Variants in CNBD1 observed in about 807,000 individuals in gnomAD.
The protein encoded by CNBD1 is cyclic nucleotide-binding domain-containing protein 1.
In CNBD1, 71 loss-of-function variants were observed where a neutral mutation model predicts 54.4. The observed-to-expected ratio is 1.30, with a 90% CI of 1.08 to 1.59. The LOEUF (loss-of-function observed/expected upper bound fraction) is 1.59, where lower values mean the gene tolerates loss of function less well. Ranked by LOEUF, CNBD1 falls within the 40% of genes most tolerant of loss-of-function variation. The pLI is 0.00. For synonymous variants in CNBD1, 182 were observed against 170.7 expected (o/e 1.07, Z -0.51); for missense variants, 659 against 518.0 (o/e 1.27, Z -2.64).
intron 2 of CNBD1, among the ~76,000 whole-genome samples, chr8:87,408,533 G>C (rs1807687915): frequency 6.6e-6 from 1 of 151,968 alleles, no homozygotes; most frequent in Non-Finnish European, 1.5e-5. Flanking sequence ...TAAGGACTTT[G>C]GGCTGCTTTT....
At chr8:86,876,822 T>C (rs1295295507) in intron 1 of CNBD1, among the ~76,000 whole-genome samples, 2 of 152,142 alleles carry the variant, frequency 1.3e-5, no homozygotes, top group Middle Eastern at 3.4e-3. Flanking sequence ...ATATGTAAAA[T>C]CTACATCCTT....
At chr8:87,215,218 C>G (rs1016466449) in intron 5 of CNBD1, among the ~76,000 whole-genome samples, 3 of 151,892 alleles carry the variant, frequency 2.0e-5, no homozygotes, top group African/African-American at 7.3e-5. Context: ...GATAAAGAAG[C>G]CAGTCACAAA....
chr8:87,135,075 G>A (rs555298463), intron 4 of CNBD1, among the ~76,000 whole-genome samples: 13 of 151,992 alleles, frequency 8.6e-5, no homozygotes, highest in African/African-American at 2.2e-4. Flanking sequence ...ATTCCAGTAC[G>A]TAAATTTTCC....
chr8:87,107,639 A>G (rs1039390068), intron 4 of CNBD1, among the ~76,000 whole-genome samples: 9 of 152,236 alleles, frequency 5.9e-5, no homozygotes, highest in African/African-American at 1.9e-4. Context: ...TTGTATCCCT[A>G]TTACCTAATT....
At chr8:87,216,298 ACT>A (rs764849955) in intron 5 of CNBD1, among the ~76,000 whole-genome samples, 3 of 152,100 alleles carry the variant, frequency 2.0e-5, no homozygotes, top group Non-Finnish European at 2.9e-5. Context: ...GCTGAGACAA[ACT>A]CTTTCTGTGA....
chr8:86,887,853 G>C (rs1808704374), intron 2 of CNBD1, among the ~76,000 whole-genome samples: 2 of 152,054 alleles, frequency 1.3e-5, no homozygotes, highest in South Asian at 4.1e-4. Context: ...CTGGCTCTTT[G>C]TAGTACTTAA....
chr8:87,250,157 G>A (rs1807884635), intron 6 of CNBD1, among the ~76,000 whole-genome samples: 1 of 152,078 alleles, frequency 6.6e-6, no homozygotes, highest in South Asian at 2.1e-4. Context: ...TTACAAAATG[G>A]ACAAAGGATC....
At chr8:87,124,121 C>G (rs1221933767) in intron 4 of CNBD1, among the ~76,000 whole-genome samples, 2 of 151,554 alleles carry the variant, frequency 1.3e-5, no homozygotes, top group Non-Finnish European at 3.0e-5. Context: ...CTTCTAAATT[C>G]TTTTTATGAG....
intron 4 of CNBD1, among the ~76,000 whole-genome samples, chr8:86,971,243 A>G (rs796329434): frequency 3.3e-5 from 5 of 152,188 alleles, no homozygotes; most frequent in South Asian, 4.1e-4. Context: ...CACATATTAC[A>G]TGGCGGTGGG....
chr8:87,163,162 G>A lies in CNBD1; in HGVS notation c.432-42831G>A, dbSNP rs1188666634. Among the ~76,000 whole-genome samples the A allele has an allele frequency of 6.6e-6, 1 of 151,996 alleles. No homozygotes were observed. Among genetic ancestry groups the A allele is most frequent in the African/African-American group, 2.4e-5 (1 of 41,416 alleles). On this transcript the variant is annotated intron_variant, in intron 4 of 10. Coordinates refer to ENST00000518476, the MANE Select transcript of CNBD1 (RefSeq NM_173538.3). This position sits in a 1 kb window ranked among gnomAD's most constrained non-coding sequence, Gnocchi z 4.5. ...TTTTCTTGATTAGAAAGATGAAAAA[G>A]TAGATTGAACTAACAAATGTACAAT...
intron 4 of CNBD1, among the ~76,000 whole-genome samples, chr8:86,973,479 G>C (rs1808270832): frequency 2.0e-5 from 3 of 152,054 alleles, no homozygotes; most frequent in Admixed American, 1.3e-4. Context: ...TTTTGCCATG[G>C]CTTACATATA....
intron 2 of CNBD1, among the ~76,000 whole-genome samples, chr8:86,891,445 A>T (rs556602912): frequency 6.6e-6 from 1 of 152,018 alleles, no homozygotes; most frequent in Admixed American, 6.6e-5. Flanking sequence ...ATTGATCAGT[A>T]TGTCTGTTTT....
intron 2 of CNBD1, among the ~76,000 whole-genome samples, chr8:86,900,677 TA>T (rs997650122): frequency 2.0e-5 from 3 of 151,250 alleles, no homozygotes; most frequent in Non-Finnish European, 3.0e-5. Context: ...TTTCTAAAGA[TA>T]AAAAAAAATG....
At chr8:87,414,100 T>C (rs1241907197) in intron 2 of CNBD1, among the ~76,000 whole-genome samples, 1 of 152,022 alleles carries the variant, frequency 6.6e-6, no homozygotes, top group Admixed American at 6.6e-5. Flanking sequence ...CTATTCACAA[T>C]AGCAAAGACT....
chr8:87,149,170 C>G (rs1467779548), intron 4 of CNBD1, among the ~76,000 whole-genome samples: 1 of 152,082 alleles, frequency 6.6e-6, no homozygotes, highest in Non-Finnish European at 1.5e-5. Flanking sequence ...TTTGTTATTA[C>G]TGCTAAATAT....
At chr8:86,947,532 A>G (rs903119954) in intron 4 of CNBD1, among the ~76,000 whole-genome samples, 6 of 152,134 alleles carry the variant, frequency 3.9e-5, no homozygotes, top group Non-Finnish European at 8.8e-5. Context: ...TCTTCCCTGG[A>G]GCATTCATGC....
At chr8:87,009,340 G>T (rs574094941) in intron 4 of CNBD1, among the ~76,000 whole-genome samples, 1 of 151,496 alleles carries the variant, frequency 6.6e-6, no homozygotes, top group East Asian at 1.9e-4. Flanking sequence ...TCACTCTGTC[G>T]CCCAGGCTGG....
At chr8:87,399,906 A>AC (rs1554587034) in intron 2 of CNBD1, among the ~76,000 whole-genome samples, 2 of 151,328 alleles carry the variant, frequency 1.3e-5, no homozygotes, top group Non-Finnish European at 3.0e-5. Context: ...TCCCAGGCAC[A>AC]TTTTTTTTTC....
intron 4 of CNBD1, among the ~76,000 whole-genome samples, chr8:87,053,816 C>T (rs1485619542): frequency 6.6e-6 from 1 of 152,218 alleles, no homozygotes; most frequent in Non-Finnish European, 1.5e-5. Context: ...AGGGAATGTT[C>T]TAGCTCTAAA....
Sources: allele counts gnomAD v4.1 joint callset (sites outside exome capture counted in the v4.1 genomes callset), GRCh38; gene constraint gnomAD v4.1.1; non-coding constraint Gnocchi (gnomAD v3.1); transcripts MANE v1.5; gene names NCBI Gene and HGNC (gene_info 2026-07-23, HGNC 2026-07-21).